SLC26A11: variants seen among roughly 807,000 people sequenced by gnomAD.
The protein encoded by SLC26A11 is solute carrier family 26 member 11, also known as sodium-independent sulfate anion transporter.
Under a neutral mutation model 62.2 loss-of-function variants are expected in SLC26A11, and 58 were observed. That is an observed-to-expected ratio of 0.93 (90% CI 0.76 to 1.16). The LOEUF (loss-of-function observed/expected upper bound fraction) is 1.16, where lower values mean the gene tolerates loss of function less well. SLC26A11 is among the 50% of genes most tolerant of loss of function. The probability of loss-of-function intolerance (pLI) is 0.00; values close to 1 mark genes in which losing one functional copy is unlikely to be tolerated. For missense variants in SLC26A11, 790 were observed against 794.3 expected, an observed-to-expected ratio of 0.99 and a Z score of 0.06; for synonymous variants, 411 against 368.9, an observed-to-expected ratio of 1.11 and a Z score of -1.31.
At chr17:80,224,325 GTA>G (rs1387155958) in intron 5 of SLC26A11, among the ~76,000 whole-genome samples, 1 of 150,776 alleles carries the variant, frequency 6.6e-6, no homozygotes, top group African/African-American at 2.5e-5. Context: ...GTGTGAGTGT[GTA>G]TGAGTGAGAG....
Position 80,222,945 on chromosome 17 carries a change from G to T in SLC26A11, c.427+98G>T, listed in dbSNP as rs1598785886. 4.1e-5 allele frequency: 44 copies of T among 1,084,648 alleles called. No homozygotes were observed. The highest frequency in any genetic ancestry group is 7.1e-5 in the Admixed American group (3 of 42,270). 67.2% of individuals were successfully genotyped at this position (1,084,648 alleles called of 1,614,324 possible). ...CCCGTGTGCGTGTGTGTGCGTGTTG[G>T]GGTGTGGGTATGTATGTGTGTGTGT... On this transcript the variant is annotated intron_variant, in intron 4 of 17. Coordinates refer to ENST00000361193, the MANE Select transcript of SLC26A11 (RefSeq NM_001166347.2). This position sits in a 1 kb window ranked among gnomAD's most constrained non-coding sequence, Gnocchi z 4.7.
At chr17:80,249,125 C>A in intron 15 of SLC26A11, 29 bp from the exon 16 acceptor site, 1 of 1,595,970 alleles carries the variant, frequency 6.3e-7, no homozygotes. Context: ...CTCTGGGTGG[C>A]GTGACCTGGC....
chr17:80,246,889 C>T lies in SLC26A11; in HGVS notation c.1294+240C>T, dbSNP rs898523175. Among the ~76,000 whole-genome samples, 13 of 151,930 alleles carry T rather than the reference C, an allele frequency of 8.6e-5. No individual in the cohort carries two copies. The highest frequency in any genetic ancestry group is 2.9e-5 in the Non-Finnish European group (2 of 67,958). On this transcript the variant is annotated intron_variant, in intron 13 of 17. Coordinates refer to ENST00000361193, the MANE Select transcript of SLC26A11 (RefSeq NM_001166347.2). The surrounding 1 kb of genome is among the most constrained non-coding windows in gnomAD (Gnocchi z 4.4). ...TGGGGTCTTGAGGCGAGCACTGACC[C>T]GGGGGAGGGTCCCCTCCTGATCCCC...
At chr17:80,236,039 T>G (rs2042680845) in intron 7 of SLC26A11, among the ~76,000 whole-genome samples, 1 of 152,210 alleles carries the variant, frequency 6.6e-6, no homozygotes, top group Non-Finnish European at 1.5e-5. Context: ...TATTTAGCCC[T>G]TTACAGAAAA....
intron 9 of SLC26A11, 55 bp from the exon 10 acceptor site, chr17:80,241,716 T>C: frequency 4.5e-6 from 7 of 1,570,978 alleles, no homozygotes; most frequent in Non-Finnish European, 6.1e-6. Flanking sequence ...TTGTGAATAC[T>C]TTTTGAGCGA....
At chr17:80,229,861 C>G (rs1265905184) in intron 7 of SLC26A11, among the ~76,000 whole-genome samples, 1 of 152,172 alleles carries the variant, frequency 6.6e-6, no homozygotes, top group Non-Finnish European at 1.5e-5. Context: ...GAATCAGGAT[C>G]TGTATTCTTC....
At chr17:80,231,085 T>A (rs976215798) in intron 7 of SLC26A11, among the ~76,000 whole-genome samples, 2 of 151,792 alleles carry the variant, frequency 1.3e-5, no homozygotes, top group Non-Finnish European at 2.9e-5. Context: ...GTTCATTGAT[T>A]TCTGCTTGGG....
At chr17:80,241,014 A>G (rs2144947701) in intron 9 of SLC26A11, among the ~76,000 whole-genome samples, 1 of 152,010 alleles carries the variant, frequency 6.6e-6, no homozygotes, top group South Asian at 2.1e-4. Flanking sequence ...CTAAGGCAGG[A>G]GGATCACTTG....
Position 80,237,162 on chromosome 17 carries a change from C to T in SLC26A11, c.912+59C>T, listed in dbSNP as rs553309491. The T allele has an allele frequency of 6.5e-5, 101 of 1,562,978 alleles. No homozygotes were observed. The African/African-American group carries it at 1.2e-3, about 18-fold the overall frequency. The stretch of plus-strand genomic sequence containing the variant: ...GAGGCTGCGGTGGCCCCTGGCCTGG[C>T]TCCTACCCTGATGTATCTGCTGGGT... On this transcript the variant is annotated intron_variant, in intron 8 of 17. Transcript: ENST00000361193.
chr17:80,223,176 C>T lies in SLC26A11; in HGVS notation c.428-76C>T, dbSNP rs528261801. On this transcript the variant is annotated intron_variant, in intron 4 of 17. Coordinates refer to ENST00000361193, the MANE Select transcript of SLC26A11 (RefSeq NM_001166347.2). The surrounding 1 kb of genome is among the most constrained non-coding windows in gnomAD (Gnocchi z 4.6). ...CCAATCCCACCCATTGCCACCTTCC[C>T]CAGCTCACATCTCCCCTCATCCTCT... The T allele has an allele frequency of 5.8e-5, 81 of 1,386,682 alleles. 1 individual carries two copies. In the East Asian group the frequency reaches 1.5e-3, roughly 26 times the overall value. 85.9% of individuals were successfully genotyped at this position (1,386,682 alleles called of 1,614,324 possible). A position where few individuals can be genotyped will look rare whatever the true frequency, so the allele number is the denominator to read the frequency against.
At position 80,223,411 on chromosome 17, in the gene SLC26A11, TGA is replaced by T; in HGVS notation, c.513+76_513+77del. On this transcript the variant is annotated intron_variant, in intron 5 of 17. Coordinates refer to ENST00000361193, the MANE Select transcript of SLC26A11 (RefSeq NM_001166347.2). The surrounding 1 kb of genome is among the most constrained non-coding windows in gnomAD (Gnocchi z 4.6). Reference sequence around the variant, plus strand: ...GGCACAGGGATGGCGGGAGCAGGACTGAGGCCAGTCCTGATCCCTGTGGCCAG... The same window carrying T: ...GGCACAGGGATGGCGGGAGCAGGACTGGCCAGTCCTGATCCCTGTGGCCAG... 7.1e-7 allele frequency: 1 copy of T among 1,408,944 alleles called. No homozygotes were observed. The highest frequency in any genetic ancestry group is 9.9e-7 in the Non-Finnish European group (1 of 1,005,052). The allele number at this position is 1,408,944 out of a possible 1,614,324, so 87.3% of individuals were successfully genotyped here.
In SLC26A11 at chr17:80,222,383, A is replaced by AG; in HGVS notation, c.235-272_235-271insG. Reference sequence around the variant, plus strand: ...AGAGCGAGACTCCATCTCAAAAAAAAAAAAAAAGAATGCTTCCTCAGACTT... The same window carrying AG: ...AGAGCGAGACTCCATCTCAAAAAAAAGAAAAAAAGAATGCTTCCTCAGACTT... On this transcript the variant is annotated intron_variant, in intron 3 of 17. Coordinates refer to ENST00000361193, the MANE Select transcript of SLC26A11 (RefSeq NM_001166347.2). This position sits in a 1 kb window ranked among gnomAD's most constrained non-coding sequence, Gnocchi z 4.7. 1 of 351,478 alleles carries AG rather than the reference A, an allele frequency of 2.8e-6. No individual in the cohort carries two copies. 21.8% of individuals were successfully genotyped at this position (351,478 alleles called of 1,614,324 possible). A position where few individuals can be genotyped will look rare whatever the true frequency, so the allele number is the denominator to read the frequency against.
In SLC26A11 at chr17:80,223,844, C is replaced by T. The variant is rs771164808; in HGVS notation, c.513+507C>T. ...TCTTTTAAAACATTTATAATAAGTA[C>T]TAAAATCAGTCATCAGCTGAGGGTG... On this transcript the variant is annotated intron_variant, in intron 5 of 17. Transcript: ENST00000361193. The surrounding 1 kb of genome is among the most constrained non-coding windows in gnomAD (Gnocchi z 4.6). Among the ~76,000 whole-genome samples the T allele has an allele frequency of 6.6e-6, 1 of 152,140 alleles. No homozygotes were observed. Among genetic ancestry groups the T allele is most frequent in the Non-Finnish European group, 1.5e-5 (1 of 68,036 alleles).
intron 8 of SLC26A11, 107 bp downstream of exon 8, chr17:80,237,210 A>G: frequency 7.7e-7 from 1 of 1,291,880 alleles, no homozygotes; most frequent in Non-Finnish European, 1.1e-6. Context: ...GAGGTCAGTT[A>G]GGACAGCTGA....
chr17:80,236,117 A>G (rs976986614), intron 7 of SLC26A11, among the ~76,000 whole-genome samples: 3 of 152,154 alleles, frequency 2.0e-5, no homozygotes, highest in Non-Finnish European at 4.4e-5. Flanking sequence ...GGAGTCCCTG[A>G]TGCTCCATGA....
In SLC26A11 at chr17:80,228,174, C is replaced by G. The variant is rs986954037; in HGVS notation, c.736+214C>G. Among the ~76,000 whole-genome samples the G allele has an allele frequency of 3.3e-5, 5 of 152,076 alleles. No individual in the cohort carries two copies. The highest frequency in any genetic ancestry group is 1.2e-4 in the African/African-American group (5 of 41,392). ...TTGAGACAGAGTTTCGCTCTGTCGC[C>G]CAGGCTGGAGTACAGTGGTGTGATA... On this transcript the variant is annotated intron_variant, in intron 7 of 17. Transcript: ENST00000361193. The surrounding 1 kb of genome is among the most constrained non-coding windows in gnomAD (Gnocchi z 4.1).
chr17:80,221,494 G>T (rs2042188421), intron 2 of SLC26A11, 54 bp from the exon 3 acceptor site: 18 of 1,325,104 alleles, frequency 1.4e-5, no homozygotes, highest in Non-Finnish European at 1.8e-5. Context: ...AGTGTTGCCG[G>T]GTTCTTCAAA....
chr17:80,248,469 C>G, intron 14 of SLC26A11, 106 bp from the exon 15 acceptor site: 1 of 1,324,176 alleles, frequency 7.6e-7, no homozygotes, highest in South Asian at 1.4e-5. Context: ...CTCTCCCGGT[C>G]CCCTGCAGCA....
chr17:80,249,116 T>C, intron 15 of SLC26A11, 38 bp from the exon 16 acceptor site: 3 of 1,592,464 alleles, frequency 1.9e-6, no homozygotes, highest in Non-Finnish European at 2.6e-6. Context: ...TTTGGGCTGC[T>C]CTGGGTGGCG....
Sources: allele counts gnomAD v4.1 joint callset (sites outside exome capture counted in the v4.1 genomes callset), GRCh38; gene constraint gnomAD v4.1.1; non-coding constraint Gnocchi (gnomAD v3.1); transcripts MANE v1.5; gene names NCBI Gene and HGNC (gene_info 2026-07-23, HGNC 2026-07-21).